The following ANK2 variants were observed in gnomAD, a reference collection of about 807,000 sequenced individuals.
ANK2 encodes the protein ankyrin 2.
A neutral mutation model predicts 360.5 loss-of-function variants in ANK2; 83 were observed. The observed-to-expected ratio is 0.23, with a 90% CI of 0.19 to 0.28. The LOEUF (loss-of-function observed/expected upper bound fraction) is 0.28, where lower values mean the gene tolerates loss of function less well. ANK2 is among the 10% of genes least tolerant of loss of function. ANK2 has a pLI of 1.00. For missense variants in ANK2, 4,201 were observed against 4,795.7 expected (o/e 0.88, Z 3.66); for synonymous variants, 1,740 against 1,759.5 (o/e 0.99, Z 0.28).
chr4:112,829,405 C>A (rs1311705742), intron 1 of ANK2, among the ~76,000 whole-genome samples: 1 of 146,914 alleles, frequency 6.8e-6, no homozygotes, highest in Non-Finnish European at 1.5e-5. Flanking sequence ...CCTATAATCC[C>A]AGCACTTTGG....
chr4:113,279,201 G>T (rs931618808), intron 17 of ANK2, among the ~76,000 whole-genome samples: 1 of 152,028 alleles, frequency 6.6e-6, no homozygotes, highest in East Asian at 1.9e-4. Flanking sequence ...TCCTCATTGC[G>T]TCTTTCGTTC....
rs891052841 is a variant in ANK2, at chr4:113,231,607, G to A, written c.385-554G>A. Reference sequence around the variant, plus strand: ...ATACCAAATATGCTAAAGACACTAAGATTTTTTTTTTTTTTTGAGACAGTC... The same window carrying A: ...ATACCAAATATGCTAAAGACACTAAAATTTTTTTTTTTTTTTGAGACAGTC... On this transcript the variant is annotated intron_variant, in intron 4 of 45. Transcript: ENST00000357077. 4.0e-5 allele frequency among the ~76,000 whole-genome samples: 6 copies of A among 150,022 alleles called. No homozygotes were observed. The East Asian group carries it at 9.9e-4, about 25-fold the overall frequency.
intron 45 of ANK2, among the ~76,000 whole-genome samples, chr4:113,377,140 C>T (rs970775645): frequency 6.6e-6 from 1 of 151,986 alleles, no homozygotes. Flanking sequence ...ATTTACTATA[C>T]ATAGTAAATG....
At chr4:112,874,591 A>G (rs1428991796) in intron 1 of ANK2, among the ~76,000 whole-genome samples, 3 of 146,768 alleles carry the variant, frequency 2.0e-5, no homozygotes, top group African/African-American at 7.6e-5. Flanking sequence ...GCAGTGAGCC[A>G]AGATCGCACC....
At chr4:112,771,735 G>A in the ANK2 span, among the ~76,000 whole-genome samples, 5 of 152,082 alleles carry the variant, frequency 3.3e-5, no homozygotes, top group African/African-American at 1.2e-4. Context: ...ACAGGTGCCC[G>A]CCACCGTGCC....
chr4:113,248,506 C>T (rs540462395), intron 9 of ANK2, among the ~76,000 whole-genome samples: 94 of 151,948 alleles, frequency 6.2e-4, no homozygotes, highest in Non-Finnish European at 1.2e-3. Flanking sequence ...CAGCTGGAAG[C>T]CAGAGGACAA....
At chr4:112,963,959 G>T (rs1376952000) in intron 2 of ANK2, among the ~76,000 whole-genome samples, 3 of 150,858 alleles carry the variant, frequency 2.0e-5, no homozygotes, top group African/African-American at 7.3e-5. Flanking sequence ...TATGTTAATG[G>T]TTACATTTTA....
the ANK2 span, among the ~76,000 whole-genome samples, chr4:112,771,878 C>T: frequency 2.0e-5 from 3 of 152,174 alleles, no homozygotes; most frequent in African/African-American, 7.2e-5. Context: ...AGCCACCGCA[C>T]CTGGCCTAAA....
chr4:112,760,272 C>G, the ANK2 span, among the ~76,000 whole-genome samples: 3 of 151,592 alleles, frequency 2.0e-5, no homozygotes, highest in African/African-American at 7.3e-5. Flanking sequence ...CTGCAAGCTC[C>G]GCCTCTCGGG....
the ANK2 span, among the ~76,000 whole-genome samples, chr4:112,740,833 A>G: frequency 6.6e-6 from 1 of 152,076 alleles, no homozygotes; most frequent in Non-Finnish European, 1.5e-5. Flanking sequence ...CTACTAAAAA[A>G]TACTAAATGA....
intron 1 of ANK2, among the ~76,000 whole-genome samples, chr4:113,050,220 A>T (rs1233029291): frequency 6.6e-6 from 1 of 152,124 alleles, no homozygotes; most frequent in Non-Finnish European, 1.5e-5. Context: ...TTGCTCTATG[A>T]TGATCCTGAG....
At chr4:112,747,630 G>C in the ANK2 span, among the ~76,000 whole-genome samples, 536 of 152,238 alleles carry the variant, frequency 3.5e-3, 3 homozygotes, top group Admixed American at 6.9e-3. Context: ...TAAGTTCTGA[G>C]AATTAAGTAA....
intron 1 of ANK2, among the ~76,000 whole-genome samples, chr4:113,088,917 T>A (rs1193028408): frequency 6.6e-6 from 1 of 152,216 alleles, no homozygotes; most frequent in African/African-American, 2.4e-5. Context: ...TGTCATTTGA[T>A]ATTTTTGAGC....
chr4:112,809,109 T>C, the ANK2 span, among the ~76,000 whole-genome samples: 1 of 151,728 alleles, frequency 6.6e-6, no homozygotes, highest in Non-Finnish European at 1.5e-5. Context: ...TCCACCCACC[T>C]CAGCCTCCCA....
the ANK2 span, among the ~76,000 whole-genome samples, chr4:112,757,962 G>A: frequency 1.5e-5 from 2 of 137,378 alleles, no homozygotes; most frequent in African/African-American, 5.0e-5. Context: ...CCACTGCAAC[G>A]GCGCCGTCCT....
the ANK2 span, among the ~76,000 whole-genome samples, chr4:112,722,479 G>C: frequency 6.6e-6 from 1 of 152,196 alleles, no homozygotes; most frequent in African/African-American, 2.4e-5. Context: ...GAGGCCAGAA[G>C]TTGTTAGTCC....
chr4:113,236,569 T>G (rs963606164), intron 5 of ANK2, among the ~76,000 whole-genome samples: 20 of 152,336 alleles, frequency 1.3e-4, no homozygotes, highest in African/African-American at 4.3e-4. Flanking sequence ...TAGTCAATCA[T>G]ATATTTTATT....
In ANK2 at chr4:112,914,745, T is replaced by C. The variant is rs142455614; in HGVS notation, c.21+10231T>C. 5.1e-3 allele frequency among the ~76,000 whole-genome samples: 776 copies of C among 152,338 alleles called. 2 individuals are homozygous for C. The highest frequency in any genetic ancestry group is 7.7e-3 in the Non-Finnish European group (521 of 68,032). ...CATATTGGGAAGAAGAGGCACCCAC[T>C]GTTTCCTAAAATTTAGAGCTAGAAG... On this transcript the variant is annotated intron_variant, in intron 2 of 30. Coordinates refer to the ANK2 transcript ENST00000503271.
chr4:112,759,422 A>G, the ANK2 span, among the ~76,000 whole-genome samples: 1 of 152,198 alleles, frequency 6.6e-6, no homozygotes, highest in Non-Finnish European at 1.5e-5. Flanking sequence ...TGGGATTACA[A>G]GCGTGAGCTA....
Sources: allele counts gnomAD v4.1 joint callset (sites outside exome capture counted in the v4.1 genomes callset), GRCh38; gene constraint gnomAD v4.1.1; transcripts MANE v1.5; gene names NCBI Gene and HGNC (gene_info 2026-07-23, HGNC 2026-07-21).